COL22A1: variants seen among roughly 807,000 people sequenced by gnomAD.
The protein encoded by COL22A1 is collagen type XXII alpha 1 chain, also known as collagen alpha-1(XXII) chain.
Under a neutral mutation model 248.9 loss-of-function variants are expected in COL22A1, and 221 were observed. The observed-to-expected ratio is 0.89, with a 90% CI of 0.80 to 0.99. The LOEUF (loss-of-function observed/expected upper bound fraction) is 0.99, where lower values mean the gene tolerates loss of function less well. Among genes scored for constraint, COL22A1 ranks in the 50% least tolerant of loss-of-function variants. COL22A1 has a pLI of 0.00. For missense variants in COL22A1, 2,240 were observed against 2,179.0 expected (o/e 1.03, Z -0.56); for synonymous variants, 891 against 793.4 (o/e 1.12, Z -2.07).
intron 1 of COL22A1, among the ~76,000 whole-genome samples, chr8:138,913,119 A>C (rs536763809): frequency 1.4e-4 from 21 of 152,308 alleles, no homozygotes; most frequent in Admixed American, 1.3e-3. Flanking sequence ...AATTTAGATC[A>C]AGAAAGCTAA....
chr8:138,806,882 A>G (rs1817772374), intron 10 of COL22A1, among the ~76,000 whole-genome samples: 3 of 152,284 alleles, frequency 2.0e-5, no homozygotes, highest in South Asian at 2.1e-4. Flanking sequence ...AAGAGATTCC[A>G]TGTACTCCCT....
intron 3 of COL22A1, among the ~76,000 whole-genome samples, chr8:138,849,210 G>A (rs1037608030): frequency 1.3e-5 from 2 of 152,214 alleles, no homozygotes; most frequent in African/African-American, 2.4e-5. Flanking sequence ...GCGTGGCTAG[G>A]TCCTGCACTG....
chr8:138,732,309 G>A (rs1830768875), intron 23 of COL22A1, among the ~76,000 whole-genome samples: 2 of 152,226 alleles, frequency 1.3e-5, no homozygotes, highest in Non-Finnish European at 1.5e-5. Context: ...ACTCACAGGT[G>A]CTGCGGGCAA....
At chr8:138,909,200 G>A (rs548093445) in intron 1 of COL22A1, among the ~76,000 whole-genome samples, 4 of 152,260 alleles carry the variant, frequency 2.6e-5, no homozygotes, top group South Asian at 2.1e-4. Flanking sequence ...CACTTAACAC[G>A]AGATCTATCC....
chr8:138,788,093 G>C (rs973850212), intron 12 of COL22A1, among the ~76,000 whole-genome samples: 23 of 152,024 alleles, frequency 1.5e-4, no homozygotes, highest in African/African-American at 5.3e-4. Flanking sequence ...GAATATGCTG[G>C]GCAGTGGTTC....
chr8:138,890,446 A>G (rs1824981847), intron 1 of COL22A1, among the ~76,000 whole-genome samples: 1 of 152,112 alleles, frequency 6.6e-6, no homozygotes, highest in Admixed American at 6.5e-5. Flanking sequence ...CTATTTGCAG[A>G]TGGCCTTATC....
rs536887063 is a variant in COL22A1 at position 138,741,789 on chromosome 8, G to A, written c.2086-4212C>T. Among the ~76,000 whole-genome samples the A allele has an allele frequency of 2.6e-5, 4 of 152,350 alleles. No individual in the cohort carries two copies. In the South Asian group the frequency reaches 8.3e-4, roughly 32 times the overall value. On this transcript the variant is annotated intron_variant, in intron 22 of 64. Coordinates refer to ENST00000303045, the MANE Select transcript of COL22A1 (RefSeq NM_152888.3). ...GACGCCCACAAAGTACTTAGTAATA[G>A]TGGTTATGGTGATGACAATGGTAGC... is the stretch of plus-strand genomic sequence containing the variant.
At position 138,594,138 on chromosome 8, in the gene COL22A1, T is replaced by C; in HGVS notation, c.4494A>G (p.Arg1498=). 1 of 1,577,232 alleles carries C rather than the reference T, an allele frequency of 6.3e-7. No individual in the cohort carries two copies. Among genetic ancestry groups the C allele is most frequent in the Non-Finnish European group, 8.6e-7 (1 of 1,168,312 alleles). Residue 1498 remains arginine, a synonymous_variant, in exon 63 of 65, where the codon AGA becomes AGG. Transcript: ENST00000303045. ...PPAYMKSSQG[R]PGPPGPPGKD... ...TTCCAGGGGGCCCTGGGGGCCCAGG[T>C]CTGCCTTGAGATGACTTCATGTACG...
intron 24 of COL22A1, among the ~76,000 whole-genome samples, chr8:138,724,955 G>A (rs985164677): frequency 8.5e-5 from 13 of 152,194 alleles, no homozygotes; most frequent in Non-Finnish European, 5.9e-5. Flanking sequence ...GACCCACTCC[G>A]TAGGTGGGTG....
At chr8:138,894,125 G>A (rs773865009) in intron 1 of COL22A1, among the ~76,000 whole-genome samples, 4 of 152,214 alleles carry the variant, frequency 2.6e-5, no homozygotes, top group Non-Finnish European at 5.9e-5. Flanking sequence ...TCATGGGGAG[G>A]AAGGCATTCA....
intron 63 of COL22A1, among the ~76,000 whole-genome samples, chr8:138,592,541 T>A (rs1346951120): frequency 6.6e-6 from 1 of 152,206 alleles, no homozygotes; most frequent in Non-Finnish European, 1.5e-5. Context: ...GACTAGAATA[T>A]ACAAATTTAA....
At chr8:138,785,063 C>T (rs774730092) in intron 12 of COL22A1, among the ~76,000 whole-genome samples, 4 of 152,140 alleles carry the variant, frequency 2.6e-5, no homozygotes, top group Non-Finnish European at 5.9e-5. Flanking sequence ...TCATGGCTAC[C>T]AGGGAGTCTA....
intron 1 of COL22A1, among the ~76,000 whole-genome samples, chr8:138,883,964 T>C (rs904587280): frequency 8.5e-5 from 13 of 152,122 alleles, no homozygotes; most frequent in Non-Finnish European, 2.9e-5. Flanking sequence ...ACCCACCCTG[T>C]CCAGCCTGGC....
intron 22 of COL22A1, among the ~76,000 whole-genome samples, chr8:138,738,083 T>A (rs181542058): frequency 5.6e-4 from 86 of 152,298 alleles, no homozygotes; most frequent in Admixed American, 1.7e-3. Context: ...ATTTAATTTA[T>A]CTAAGCCACA....
chr8:138,720,306 A>G (rs7841761), intron 27 of COL22A1, among the ~76,000 whole-genome samples: 57,771 of 152,016 alleles, frequency 0.38, 11,364 homozygotes, highest in Middle Eastern at 0.44. Flanking sequence ...CATCGCAGTG[A>G]AGGTAGAACA....
At chr8:138,611,679 G>A (rs906165068) in intron 56 of COL22A1, among the ~76,000 whole-genome samples, 3 of 152,214 alleles carry the variant, frequency 2.0e-5, no homozygotes, top group African/African-American at 4.8e-5. Context: ...TCCCCGTGGG[G>A]TTGATATCAC....
chr8:138,689,812 C>T (rs1324058356), intron 36 of COL22A1, among the ~76,000 whole-genome samples: 1 of 152,174 alleles, frequency 6.6e-6, no homozygotes, highest in African/African-American at 2.4e-5. Flanking sequence ...ACTCTGGGAT[C>T]CTGTGCAGGA....
At position 138,819,142 on chromosome 8, in the gene COL22A1, G is replaced by T. The variant is rs114514812; in HGVS notation, c.1245+1994C>A. On this transcript the variant is annotated intron_variant, in intron 7 of 64. Transcript: ENST00000303045. Reference sequence around the variant, plus strand: ...ATTTATCATTCTGTTAACAAAGCAAGTTATGACAAAGTCTATAAACCTGTT... The same window carrying T: ...ATTTATCATTCTGTTAACAAAGCAATTTATGACAAAGTCTATAAACCTGTT... Among the ~76,000 whole-genome samples, 674 of 152,254 alleles carry T rather than the reference G, an allele frequency of 4.4e-3. 4 individuals carry two copies. The highest frequency in any genetic ancestry group is 0.015 in the African/African-American group (630 of 41,556).
At chr8:138,755,377 A>G in intron 20 of COL22A1, 105 bp downstream of exon 20, 1 of 1,337,172 alleles carries the variant, frequency 7.5e-7, no homozygotes, top group Non-Finnish European at 1.1e-6. Flanking sequence ...AGGCAACTGA[A>G]GTCTGAAAGG....
Sources: gnomAD v4.1 joint callset for allele counts (sites outside exome capture counted in the v4.1 genomes callset) on GRCh38, gnomAD v4.1.1 for gene constraint, MANE v1.5 for transcripts, NCBI Gene and HGNC (gene_info 2026-07-23, HGNC 2026-07-21) for gene names.